Variants in STAG1 observed in about 807,000 individuals in gnomAD.
STAG1 encodes the protein STAG1 cohesin complex component.
Under a neutral mutation model 170.9 loss-of-function variants are expected in STAG1, and 26 were observed. The observed-to-expected ratio is 0.15, with a 90% CI of 0.11 to 0.21. STAG1 has a LOEUF of 0.21. STAG1 is among the 10% of genes least tolerant of loss of function. STAG1 has a pLI of 1.00. For synonymous variants in STAG1, 514 were observed against 497.7 expected (o/e 1.03, Z -0.44); for missense variants, 964 against 1,509.5 (o/e 0.64, Z 5.99).
intron 14 of STAG1, among the ~76,000 whole-genome samples, chr3:136,445,098 T>C (rs75322204): frequency 1.2e-4 from 18 of 151,746 alleles, no homozygotes; most frequent in Non-Finnish European, 2.6e-4. Flanking sequence ...TAATGACTTA[T>C]GTAATGCTCT....
intron 22 of STAG1, among the ~76,000 whole-genome samples, chr3:136,386,706 T>C (rs776694932): frequency 6.6e-6 from 1 of 152,094 alleles, no homozygotes; most frequent in Non-Finnish European, 1.5e-5. Context: ...ATTTTTTTTT[T>C]GGTATTTTTT....
chr3:136,389,379 C>T (rs116642419), intron 22 of STAG1, among the ~76,000 whole-genome samples: 2,099 of 151,810 alleles, frequency 0.014, 45 homozygotes, highest in African/African-American at 0.048. Flanking sequence ...GTGTGATCTC[C>T]GCCTCCCAGT....
intron 23 of STAG1, among the ~76,000 whole-genome samples, chr3:136,377,247 C>T (rs1198725826): frequency 4.0e-5 from 6 of 148,886 alleles, no homozygotes; most frequent in African/African-American, 1.2e-4. Flanking sequence ...ATTAGCTGGG[C>T]GCAGTGGCGG....
chr3:136,585,669 A>G (rs1009982101), intron 4 of STAG1, among the ~76,000 whole-genome samples: 1 of 152,078 alleles, frequency 6.6e-6, no homozygotes, highest in Non-Finnish European at 1.5e-5. Flanking sequence ...CACTCTTTCC[A>G]TCTGTGTTCA....
chr3:136,693,957 G>A (rs1942804515), intron 1 of STAG1, among the ~76,000 whole-genome samples: 1 of 152,084 alleles, frequency 6.6e-6, no homozygotes, highest in Admixed American at 6.6e-5. Context: ...TTCCATGTTA[G>A]CTCTTTTAAC....
At chr3:136,463,143 G>T (rs1031201762) in intron 13 of STAG1, among the ~76,000 whole-genome samples, 1 of 152,198 alleles carries the variant, frequency 6.6e-6, no homozygotes, top group Non-Finnish European at 1.5e-5. Context: ...AGAGCTGTCA[G>T]AGTCACTAGG....
At chr3:136,436,619 T>G (rs1037591349) in intron 15 of STAG1, among the ~76,000 whole-genome samples, 2 of 152,002 alleles carry the variant, frequency 1.3e-5, no homozygotes, top group Admixed American at 6.6e-5. Flanking sequence ...GTTTAGTTCT[T>G]TCTTTCTCCT....
Position 136,367,076 on chromosome 3 carries a change from T to A in STAG1, c.2552A>T (p.Asp851Val). ...QDEENQSMEG[D>V]EEDEANKIEA... Reference sequence around the variant, plus strand: ...AATTTTATTAGCTTCATCTTCTTCATCACCCTCTAAACACAGATTACAAAT... The same window carrying A: ...AATTTTATTAGCTTCATCTTCTTCAACACCCTCTAAACACAGATTACAAAT... The change falls in exon 25 of 34, where the codon GAT becomes GTT. Residue 851 changes from aspartate to valine, a missense_variant. Around this residue, in one of 11 missense-constraint regions of STAG1, gnomAD observed 149 missense variants for 301.3 expected, o/e 0.49. Coordinates refer to ENST00000383202, the MANE Select transcript of STAG1 (RefSeq NM_005862.3). 1 of 1,609,290 alleles carries A rather than the reference T, an allele frequency of 6.2e-7. No homozygotes were observed. Among genetic ancestry groups the A allele is most frequent in the South Asian group, 1.1e-5 (1 of 90,638 alleles).
rs764146648 is a variant in STAG1, at chr3:136,343,901, C to A, written c.3377G>T (p.Ser1126Ile). The A allele has an allele frequency of 2.5e-6, 4 of 1,610,116 alleles. No homozygotes were observed. The highest frequency in any genetic ancestry group is 3.4e-6 in the Non-Finnish European group (4 of 1,178,188). The part of the protein sequence containing the change: ...QLTSTVLREN[S>I]RPMGDQIQEP... The stretch of plus-strand genomic sequence containing the variant: ...TTGAATCTGGTCTCCCATGGGCCGA[C>A]TGTTCTCCCGCAGTACAGTGGATGT... The change falls in exon 30 of 34, where the codon AGT becomes ATT. Residue 1126 changes from serine to isoleucine, a missense_variant. Ser to Ile is a moderately radical substitution (Grantham distance 142, BLOSUM62 -2). Coordinates refer to ENST00000383202, the MANE Select transcript of STAG1 (RefSeq NM_005862.3).
chr3:136,684,750 T>C (rs1407863961), intron 1 of STAG1, among the ~76,000 whole-genome samples: 4 of 130,476 alleles, frequency 3.1e-5, no homozygotes, highest in Admixed American at 2.7e-4. Context: ...TACTCCAGAC[T>C]GGGCAACAGA....
rs576009223 is a variant in STAG1 at position 136,666,074 on chromosome 3, C to CA, written c.-83-35094dup. On this transcript the variant is annotated intron_variant, in intron 1 of 33. Coordinates refer to ENST00000383202, the MANE Select transcript of STAG1 (RefSeq NM_005862.3). ...TGGGCGATAGAGTGAGACTCCATCT[C>CA]AAAAAAAAAAAAAAAAAAAAAAAAA... Among the ~76,000 whole-genome samples, 247 of 51,164 alleles carry CA rather than the reference C, an allele frequency of 4.8e-3. 46 individuals are homozygous for CA. The highest frequency in any genetic ancestry group is 0.022 in the East Asian group (19 of 874). The allele number at this position is 51,164 out of a possible 152,430, so 33.6% of individuals were successfully genotyped here. A position where few individuals can be genotyped will look rare whatever the true frequency, so the allele number is the denominator to read the frequency against.
chr3:136,428,523 C>T (rs189856028), intron 16 of STAG1, among the ~76,000 whole-genome samples: 75 of 152,208 alleles, frequency 4.9e-4, no homozygotes, highest in Non-Finnish European at 3.2e-4. Flanking sequence ...GCCTACAGAT[C>T]AGGGGTCCAT....
intron 1 of STAG1, among the ~76,000 whole-genome samples, chr3:136,696,245 T>C (rs1047252595): frequency 6.6e-6 from 1 of 152,198 alleles, no homozygotes; most frequent in Non-Finnish European, 1.5e-5. Context: ...TAGGTAAAAC[T>C]GGGCTTAAGT....
At chr3:136,422,905 A>G (rs745938881) in intron 17 of STAG1, 47 bp downstream of exon 17, 2 of 1,591,308 alleles carry the variant, frequency 1.3e-6, no homozygotes, top group Admixed American at 1.7e-5. Context: ...TAATAGTACA[A>G]TGAAAGCAAA....
chr3:136,704,629 A>G (rs1943173613), intron 1 of STAG1, among the ~76,000 whole-genome samples: 1 of 151,354 alleles, frequency 6.6e-6, no homozygotes, highest in Admixed American at 6.6e-5. Flanking sequence ...GGGGTTCCAG[A>G]CCAACCTGGG....
At chr3:136,426,444 A>C (rs1361469137) in intron 16 of STAG1, among the ~76,000 whole-genome samples, 3 of 152,154 alleles carry the variant, frequency 2.0e-5, no homozygotes, top group Non-Finnish European at 4.4e-5. Context: ...ACTTGCAGAC[A>C]AGCCATGTAG....
chr3:136,720,999 C>T (rs190734550), intron 1 of STAG1, among the ~76,000 whole-genome samples: 4 of 152,266 alleles, frequency 2.6e-5, no homozygotes, highest in African/African-American at 9.6e-5. Context: ...TACAGAAGCA[C>T]ATGATGCTAA....
At chr3:136,477,498 T>G in intron 9 of STAG1, 86 bp from the exon 10 acceptor site, 1 of 1,251,642 alleles carries the variant, frequency 8.0e-7, no homozygotes, top group East Asian at 2.5e-5. Flanking sequence ...AATAAATATT[T>G]CTAATGCTGT....
At chr3:136,425,759 T>G (rs2088102352) in intron 16 of STAG1, among the ~76,000 whole-genome samples, 1 of 149,600 alleles carries the variant, frequency 6.7e-6, no homozygotes, top group African/African-American at 2.4e-5. Context: ...TATATATCTA[T>G]AAAAGAAGAA....
Sources: gnomAD v4.1 joint callset for allele counts (sites outside exome capture counted in the v4.1 genomes callset) on GRCh38, gnomAD v4.1.1 for gene constraint, gnomAD v4.1.1 regional missense constraint, MANE v1.5 for transcripts, NCBI Gene and HGNC (gene_info 2026-07-23, HGNC 2026-07-21) for gene names.